DLG2: variants seen among roughly 807,000 people sequenced by gnomAD.
DLG2 encodes disks large homolog 2.
Under a neutral mutation model 132.5 loss-of-function variants are expected in DLG2, and 45 were observed. The observed-to-expected ratio is 0.34, with a 90% confidence interval of 0.27 to 0.44. DLG2 has a LOEUF of 0.44. DLG2 is among the 20% of genes least tolerant of loss of function. The pLI is 1.00. For synonymous variants in DLG2, 424 were observed against 419.6 expected, an observed-to-expected ratio of 1.01 and a Z score of -0.13; for missense variants, 1,045 against 1,196.9, an observed-to-expected ratio of 0.87 and a Z score of 1.87.
intron 16 of DLG2, among the ~76,000 whole-genome samples, chr11:83,850,215 G>A (rs188413701): frequency 4.6e-5 from 7 of 151,084 alleles, no homozygotes; most frequent in Non-Finnish European, 7.4e-5. Flanking sequence ...GTGCAGTGGC[G>A]TGATCCCGGC....
At chr11:85,145,689 T>C (rs1351870289) in intron 5 of DLG2, among the ~76,000 whole-genome samples, 1 of 152,042 alleles carries the variant, frequency 6.6e-6, no homozygotes, top group Admixed American at 6.6e-5. Flanking sequence ...AAAAAATTAT[T>C]TCAATCTGCT....
intron 7 of DLG2, among the ~76,000 whole-genome samples, chr11:84,398,458 T>C (rs2098818334): frequency 2.6e-5 from 4 of 152,234 alleles, no homozygotes; most frequent in Non-Finnish European, 4.4e-5. Flanking sequence ...CAGAAAGGAC[T>C]ACTGTTCTTC....
intron 3 of DLG2, among the ~76,000 whole-genome samples, chr11:85,297,757 T>A (rs535524077): frequency 6.6e-6 from 1 of 151,530 alleles, no homozygotes; most frequent in Non-Finnish European, 1.5e-5. Context: ...CAGAGCAGAG[T>A]GTCAGAGTGG....
intron 2 of DLG2, among the ~76,000 whole-genome samples, chr11:85,601,808 G>A (rs1381971121): frequency 6.6e-6 from 1 of 152,174 alleles, no homozygotes; most frequent in Non-Finnish European, 1.5e-5. Flanking sequence ...ACATTTATTA[G>A]TTCCCTCTAA....
chr11:85,604,896 C>G (rs972845809), intron 2 of DLG2, among the ~76,000 whole-genome samples: 4 of 151,816 alleles, frequency 2.6e-5, no homozygotes, highest in Admixed American at 6.6e-5. Context: ...CAGTGATTGG[C>G]AATAGTGCTA....
chr11:83,753,855 T>TATATATATTTC (rs1163538306), intron 18 of DLG2, among the ~76,000 whole-genome samples: 2 of 6,600 alleles, frequency 3.0e-4, no homozygotes, highest in African/African-American at 2.2e-3. Context: ...ATATATATCA[T>TATATATATTTC]ATATATATTT....
At chr11:84,421,272 T>C (rs1359257893) in intron 7 of DLG2, among the ~76,000 whole-genome samples, 1 of 152,204 alleles carries the variant, frequency 6.6e-6, no homozygotes, top group Non-Finnish European at 1.5e-5. Flanking sequence ...GTTTATGGTA[T>C]TTTGTTACAG....
At chr11:83,581,395 A>C (rs1194753948) in intron 19 of DLG2, among the ~76,000 whole-genome samples, 1 of 152,246 alleles carries the variant, frequency 6.6e-6, no homozygotes, top group Non-Finnish European at 1.5e-5. Context: ...TGTTAATCAA[A>C]GAGCTTAGTA....
intron 3 of DLG2, among the ~76,000 whole-genome samples, chr11:85,565,893 T>C (rs1457257013): frequency 6.6e-6 from 1 of 152,190 alleles, no homozygotes; most frequent in Non-Finnish European, 1.5e-5. Flanking sequence ...CTGGATCATG[T>C]GGTAACTCTA....
At chr11:84,730,591 T>C (rs984881308) in intron 6 of DLG2, among the ~76,000 whole-genome samples, 1 of 152,034 alleles carries the variant, frequency 6.6e-6, no homozygotes, top group Non-Finnish European at 1.5e-5. Flanking sequence ...AAATCAGAGT[T>C]CAACTTTGAA....
At chr11:83,999,609 A>C (rs1565978049) in intron 11 of DLG2, among the ~76,000 whole-genome samples, 1 of 152,068 alleles carries the variant, frequency 6.6e-6, no homozygotes, top group Non-Finnish European at 1.5e-5. Context: ...ACTGGGGCTC[A>C]AGAACAGACA....
At chr11:83,824,445 T>G (rs2153985699) in intron 17 of DLG2, among the ~76,000 whole-genome samples, 1 of 152,314 alleles carries the variant, frequency 6.6e-6, no homozygotes, top group South Asian at 2.1e-4. Context: ...CTTTTGGTAC[T>G]TTGTGAATGT....
chr11:84,391,558 A>G (rs982007053), intron 7 of DLG2, among the ~76,000 whole-genome samples: 5 of 152,178 alleles, frequency 3.3e-5, no homozygotes, highest in Non-Finnish European at 4.4e-5. Flanking sequence ...CCTAATGAAC[A>G]ATGAATTCAA....
At chr11:84,502,319 TTTC>T in intron 7 of DLG2, among the ~76,000 whole-genome samples, 4 of 9,784 alleles carry the variant, frequency 4.1e-4, no homozygotes, top group Non-Finnish European at 5.7e-4. Context: ...TCTTTCTTTC[TTTC>T]TTTCTTTCTT....
At chr11:83,621,927 T>C (rs999678404) in intron 19 of DLG2, among the ~76,000 whole-genome samples, 1 of 152,116 alleles carries the variant, frequency 6.6e-6, no homozygotes, top group Non-Finnish European at 1.5e-5. Flanking sequence ...GATTGACTGA[T>C]TGATTGAGAC....
intron 4 of DLG2, among the ~76,000 whole-genome samples, chr11:85,194,223 C>T (rs1236745389): frequency 1.3e-5 from 2 of 152,168 alleles, no homozygotes; most frequent in Admixed American, 6.5e-5. Flanking sequence ...CTGCTAGTGT[C>T]TGTGGTAGCA....
chr11:85,293,936 A>T (rs912058157), intron 3 of DLG2, among the ~76,000 whole-genome samples: 1 of 152,140 alleles, frequency 6.6e-6, no homozygotes, highest in Admixed American at 6.6e-5. Flanking sequence ...GGCATCAGGC[A>T]CTTCATTAAT....
At position 83,651,864 on chromosome 11, in the gene DLG2, T is replaced by C. The variant is rs138883541; in HGVS notation, c.1826-18539A>G. The C allele has an allele frequency of 8.0e-4, 375 of 471,158 alleles. 3 individuals carry two copies. The East Asian group carries it at 0.023, about 28-fold the overall frequency. The allele number at this position is 471,158 out of a possible 1,614,324, so 29.2% of individuals were successfully genotyped here. A position where few individuals can be genotyped will look rare whatever the true frequency, so the allele number is the denominator to read the frequency against. ...CTGGCTCAGAGCTACGAAGGTCACA[T>C]TGGCTGTCAAAGGACATGTCTTCTG... On this transcript the variant is annotated intron_variant, in intron 18 of 27. Coordinates refer to ENST00000376104, the MANE Select transcript of DLG2 (RefSeq NM_001142699.3).
chr11:84,728,572 C>G (rs2062777953), intron 6 of DLG2, among the ~76,000 whole-genome samples: 1 of 152,042 alleles, frequency 6.6e-6, no homozygotes, highest in Non-Finnish European at 1.5e-5. Context: ...ATGTCTCTGC[C>G]AGGTGTTGGT....
Sources: allele counts gnomAD v4.1 joint callset (sites outside exome capture counted in the v4.1 genomes callset), GRCh38; gene constraint gnomAD v4.1.1; transcripts MANE v1.5; gene names NCBI Gene and HGNC (gene_info 2026-07-23, HGNC 2026-07-21).